The following NUP85 variants were observed in gnomAD, a reference collection of about 807,000 sequenced individuals.
The protein encoded by NUP85 is nucleoporin 85.
A neutral mutation model predicts 92.8 loss-of-function variants in NUP85; 23 were observed. The ratio of observed to expected loss-of-function variants is 0.25; its 90% CI spans 0.18 to 0.35. The LOEUF is 0.35. Among genes scored for constraint, NUP85 ranks in the 10% least tolerant of loss-of-function variants. The pLI, the probability that NUP85 is intolerant of heterozygous loss-of-function variation, is 1.00. For missense variants in NUP85, 759 were observed against 822.8 expected (o/e 0.92, Z 0.95); for synonymous variants, 314 against 306.9 (o/e 1.02, Z -0.24).
intron 10 of NUP85, 96 bp from the exon 11 acceptor site, chr17:75,225,955 A>G: frequency 1.9e-6 from 3 of 1,593,682 alleles, no homozygotes; most frequent in Non-Finnish European, 2.6e-6. Context: ...GTGAAAGAAC[A>G]AGGCACCTTC....
At chr17:75,222,388 A>C (rs79789380) in intron 7 of NUP85, among the ~76,000 whole-genome samples, 1 of 151,908 alleles carries the variant, frequency 6.6e-6, no homozygotes, top group Non-Finnish European at 1.5e-5. Flanking sequence ...CTAAGTGGAG[A>C]TGTTGACTAG....
chr17:75,225,244 G>T lies in NUP85; in HGVS notation c.732+7G>T. 1.2e-6 allele frequency: 2 copies of T among 1,605,056 alleles called. No individual in the cohort carries two copies. The highest frequency in any genetic ancestry group is 1.7e-4 in the Middle Eastern group (1 of 6,024). ...GACAATGCCCATTCTTAGTGTACGT[G>T]GGGGTAGCTTTGCTCTGCTGGGTCA... On this transcript the variant is annotated splice_region_variant and intron_variant, in intron 8 of 18. Coordinates refer to ENST00000245544, the MANE Select transcript of NUP85 (RefSeq NM_024844.5).
rs768214276 is a variant in NUP85, at chr17:75,233,167, C to CT, written c.1615+10dup. 1.2e-6 allele frequency: 2 copies of CT among 1,613,248 alleles called. No individual in the cohort carries two copies. Among genetic ancestry groups the CT allele is most frequent in the South Asian group, 2.2e-5 (2 of 91,028 alleles). On this transcript the variant is annotated intron_variant, in intron 16 of 18. Coordinates refer to ENST00000245544, the MANE Select transcript of NUP85 (RefSeq NM_024844.5). Reference sequence around the variant, plus strand: ...CCGACTGACATTCCTGGGTGAGTCTCTGGGTTTTGTGCCCTGTGCTTTGGG... The same window carrying CT: ...CCGACTGACATTCCTGGGTGAGTCTCTTGGGTTTTGTGCCCTGTGCTTTGGG...
chr17:75,233,964 C>T (rs1010911800), intron 16 of NUP85, among the ~76,000 whole-genome samples: 6 of 151,112 alleles, frequency 4.0e-5, no homozygotes, highest in African/African-American at 1.2e-4. Context: ...GAACTCCTGA[C>T]CTCAAGTGAT....
intron 3 of NUP85, 91 bp from the exon 4 acceptor site, chr17:75,211,901 G>A: frequency 2.0e-6 from 2 of 1,021,494 alleles, no homozygotes; most frequent in Non-Finnish European, 3.0e-6. Context: ...CTTTCTTTCA[G>A]CAAATTTCTG....
In NUP85 at chr17:75,208,580, A is replaced by C; in HGVS notation, c.87A>C (p.Pro29=). The change falls in exon 2 of 19, where the codon CCA becomes CCC. Residue 29 remains proline (P), a synonymous_variant. Transcript: ENST00000245544. The part of the protein sequence containing the change: ...KKNQMYFDWG[P]GEMLVCETSF... ...ACCAAATGTATTTTGACTGGGGTCC[A>C]GGGGAGATGCTGGTATGTGAAACCT... 1.2e-5 allele frequency: 19 copies of C among 1,610,222 alleles called. No individual in the cohort carries two copies. The highest frequency in any genetic ancestry group is 1.6e-5 in the Non-Finnish European group (19 of 1,176,838).
chr17:75,224,148 C>T (rs1412275338), intron 7 of NUP85, among the ~76,000 whole-genome samples: 3 of 152,076 alleles, frequency 2.0e-5, no homozygotes, highest in Non-Finnish European at 2.9e-5. Context: ...CAGATTCAAG[C>T]GATTCTCCTG....
At chr17:75,229,804 AGTT>A (rs754806264) in intron 11 of NUP85, among the ~76,000 whole-genome samples, 2 of 152,020 alleles carry the variant, frequency 1.3e-5, no homozygotes, top group East Asian at 3.9e-4. Context: ...CCTTCCTTCC[AGTT>A]GTTGGTGGCT....
At chr17:75,228,427 G>A (rs1030827220) in intron 11 of NUP85, 85 of 985,322 alleles carry the variant, frequency 8.6e-5, no homozygotes, top group Non-Finnish European at 1.0e-4. Flanking sequence ...TGATCACGAG[G>A]CTACCTCCTA....
At position 75,235,582 on chromosome 17, in the gene NUP85, A is replaced by G. The variant is rs778675404; in HGVS notation, c.1874A>G (p.Asp625Gly). 2 of 1,613,036 alleles carry G rather than the reference A, an allele frequency of 1.2e-6. No individual in the cohort carries two copies. The highest frequency in any genetic ancestry group is 1.7e-6 in the Non-Finnish European group (2 of 1,179,028). Reference sequence around the variant, plus strand: ...CTGGCGCTCTCTGCTTTGCAGGATGATGACATAGAGACCACCAAGGTGGAA... The same window carrying G: ...CTGGCGCTCTCTGCTTTGCAGGATGGTGACATAGAGACCACCAAGGTGGAA... The part of the protein sequence containing the change: ...GESDTEQLQD[D>G]DIETTKVEML... The change falls in exon 19 of 19, where the codon GAT (aspartate) becomes GGT (glycine). Residue 625 changes from aspartate to glycine, a missense_variant. Asp to Gly is a moderately conservative substitution (Grantham distance 94). Coordinates refer to ENST00000245544, the MANE Select transcript of NUP85 (RefSeq NM_024844.5).
chr17:75,225,967 C>A, intron 10 of NUP85, 84 bp from the exon 11 acceptor site: 1 of 1,598,234 alleles, frequency 6.3e-7, no homozygotes, highest in African/African-American at 1.3e-5. Flanking sequence ...GGCACCTTCT[C>A]TGGGGTTCGT....
In NUP85 at chr17:75,226,113, G is replaced by A. The variant is rs895721433; in HGVS notation, c.1050G>A (p.Leu350=). 8.1e-6 allele frequency: 13 copies of A among 1,614,086 alleles called. No homozygotes were observed. Among genetic ancestry groups the A allele is most frequent in the Non-Finnish European group, 9.3e-6 (11 of 1,180,034 alleles). The change falls in exon 11 of 19, where the codon TTG becomes TTA. Residue 350 remains leucine (L), a synonymous_variant. Coordinates refer to ENST00000245544, the MANE Select transcript of NUP85 (RefSeq NM_024844.5). ...SSPEPLDNIL[L]AAFEFDIHQV... ...CAGAACCCCTGGACAACATCTTGTT[G>A]GCAGCCTTTGAGTTTGACATCCATC...
chr17:75,215,822 A>G lies in NUP85; in HGVS notation c.474A>G (p.Pro158=), dbSNP rs769351571. ...AGATTCTTTTTATTGAAGTGGCCCC[A>G]GGTAGGCATGGAATATCTCACCATA... ...LCEILFIEVA[P]AGPLLLHLLD... is the part of the protein sequence containing the mutation. The change falls in exon 6 of 19, where the codon CCA becomes CCG. Residue 158 remains proline, a splice_region_variant and synonymous_variant. Transcript: ENST00000245544. The G allele has an allele frequency of 6.2e-7, 1 of 1,613,414 alleles. No individual in the cohort carries two copies. Among genetic ancestry groups the G allele is most frequent in the Non-Finnish European group, 8.5e-7 (1 of 1,179,356 alleles).
chr17:75,215,679 C>A, intron 5 of NUP85, 75 bp from the exon 6 acceptor site: 1 of 1,345,114 alleles, frequency 7.4e-7, no homozygotes, highest in Non-Finnish European at 1.1e-6. Flanking sequence ...GAGTCAAAGT[C>A]TGCTTTATCC....
chr17:75,205,715 GA>G lies in NUP85; in HGVS notation c.-45del, dbSNP rs1568061159. The stretch of plus-strand genomic sequence containing the variant: ...AGCTCTGAGCGGGAGGCCTGAGCGG[GA>G]AGCATTGGCGTCCGAGCGACTTCTA... On this transcript the variant is annotated 5_prime_UTR_variant, in exon 1 of 19. Coordinates refer to ENST00000245544, the MANE Select transcript of NUP85 (RefSeq NM_024844.5). 1 of 1,613,228 alleles carries G rather than the reference GA, an allele frequency of 6.2e-7. No individual in the cohort carries two copies.
In NUP85 at chr17:75,205,737, T is replaced by A; in HGVS notation, c.-25T>A. ...CGGGAAGCATTGGCGTCCGAGCGACTTCTAGGAGCCTGGGGTTCGGCGCTA... is the reference window on the plus strand; with the variant it reads ...CGGGAAGCATTGGCGTCCGAGCGACATCTAGGAGCCTGGGGTTCGGCGCTA... On this transcript the variant is annotated 5_prime_UTR_variant, in exon 1 of 19. Transcript: ENST00000245544. The A allele has an allele frequency of 6.2e-7, 1 of 1,614,144 alleles. No homozygotes were observed. Among genetic ancestry groups the A allele is most frequent in the Non-Finnish European group, 8.5e-7 (1 of 1,180,000 alleles).
intron 17 of NUP85, 42 bp downstream of exon 17, chr17:75,234,830 C>T: frequency 1.9e-6 from 3 of 1,609,156 alleles, no homozygotes; most frequent in Non-Finnish European, 2.5e-6. Context: ...CTTGTCAGTC[C>T]CTGCTAGAGC....
At chr17:75,224,829 G>GA (rs11482792) in intron 7 of NUP85, among the ~76,000 whole-genome samples, 101,212 of 132,250 alleles carry the variant, frequency 0.77, 38,769 homozygotes, top group East Asian at 0.91. Context: ...GGGAACTCTG[G>GA]AAAAAAAAAA....
Position 75,205,812 on chromosome 17 carries a change from A to G in NUP85, c.33+18A>G. Reference sequence around the variant, plus strand: ...CAGTCACTGTAAGGGTACCCCGAACAGGCTTGCTCGTCCTTGCGGGTTGAG... The same window carrying G: ...CAGTCACTGTAAGGGTACCCCGAACGGGCTTGCTCGTCCTTGCGGGTTGAG... On this transcript the variant is annotated intron_variant, in intron 1 of 18. Transcript: ENST00000245544. The G allele has an allele frequency of 6.2e-7, 1 of 1,613,958 alleles. No individual in the cohort carries two copies. Among genetic ancestry groups the G allele is most frequent in the African/African-American group, 1.3e-5 (1 of 75,048 alleles).
Sources: allele counts gnomAD v4.1 joint callset (sites outside exome capture counted in the v4.1 genomes callset), GRCh38; gene constraint gnomAD v4.1.1; transcripts MANE v1.5; gene names NCBI Gene and HGNC (gene_info 2026-07-23, HGNC 2026-07-21).